The following GDPD5 variants were observed in gnomAD, a reference collection of about 807,000 sequenced individuals.
GDPD5 encodes the protein glycerophosphodiester phosphodiesterase 2.
GDPD5 carries 48 observed loss-of-function variants against 75.1 expected under a neutral mutation model. The observed-to-expected ratio is 0.64, with a 90% confidence interval of 0.51 to 0.81. GDPD5 has a LOEUF of 0.81. Ranked by LOEUF, GDPD5 falls within the 40% of genes least tolerant of loss-of-function variation. The probability of loss-of-function intolerance (pLI) is 0.00; values close to 1 mark genes in which losing one functional copy is unlikely to be tolerated. For missense variants in GDPD5, 706 were observed against 822.6 expected, an observed-to-expected ratio of 0.86 and a Z score of 1.73; for synonymous variants, 336 against 339.0, an observed-to-expected ratio of 0.99 and a Z score of 0.10.
intron 12 of GDPD5, 103 bp downstream of exon 12, chr11:75,442,259 AT>A: frequency 1.2e-6 from 1 of 846,814 alleles, no homozygotes; most frequent in Middle Eastern, 3.6e-4. Context: ...CATTTTACAA[AT>A]GGGAAAGCTG....
At chr11:75,458,143 C>A (rs1454746902) in intron 4 of GDPD5, among the ~76,000 whole-genome samples, 2 of 152,202 alleles carry the variant, frequency 1.3e-5, no homozygotes, top group Admixed American at 6.5e-5. Flanking sequence ...CGGTCAGGAG[C>A]ACAGGCTTTG....
chr11:75,467,431 C>A (rs1235337308), intron 3 of GDPD5, among the ~76,000 whole-genome samples: 1 of 152,106 alleles, frequency 6.6e-6, no homozygotes, highest in Non-Finnish European at 1.5e-5. Flanking sequence ...GTGGTGGTCA[C>A]CTATGGCGTG....
intron 6 of GDPD5, chr11:75,450,661 G>A (rs1161364608): frequency 6.6e-6 from 1 of 152,546 alleles, no homozygotes; most frequent in Non-Finnish European, 1.5e-5. Context: ...AGGATGAGGT[G>A]GCACCTCTAC....
At chr11:75,440,710 C>T (rs1471386867) in intron 14 of GDPD5, among the ~76,000 whole-genome samples, 2 of 152,134 alleles carry the variant, frequency 1.3e-5, no homozygotes, top group African/African-American at 2.4e-5. Flanking sequence ...CGTGTGCCAC[C>T]TTGGCCAGCA....
chr11:75,440,901 C>T (rs996119011), intron 14 of GDPD5, among the ~76,000 whole-genome samples: 1 of 152,190 alleles, frequency 6.6e-6, no homozygotes, highest in African/African-American at 2.4e-5. Context: ...AGCAAAGAAA[C>T]CCAAGCAGCT....
At chr11:75,453,740 T>C (rs1949224834) in intron 6 of GDPD5, among the ~76,000 whole-genome samples, 1 of 151,330 alleles carries the variant, frequency 6.6e-6, no homozygotes, top group East Asian at 1.9e-4. Flanking sequence ...TCCAAATACA[T>C]AAAGAAAATT....
intron 1 of GDPD5, among the ~76,000 whole-genome samples, chr11:75,515,698 G>A (rs1950624554): frequency 6.6e-6 from 1 of 152,214 alleles, no homozygotes; most frequent in African/African-American, 2.4e-5. Flanking sequence ...AGTCGCAGCA[G>A]GGCTGGGGCC....
rs1352849347 is a variant in GDPD5 at position 75,435,426 on chromosome 11, C to T, written c.*81G>A. The T allele has an allele frequency of 1.2e-5, 16 of 1,355,962 alleles. No homozygotes were observed. The highest frequency in any genetic ancestry group is 4.4e-5 in the African/African-American group (3 of 68,960). The allele number at this position is 1,355,962 out of a possible 1,614,324, so 84.0% of individuals were successfully genotyped here. The stretch of plus-strand genomic sequence containing the variant: ...TGTGGAGCCCGCTCCCAGAGCACTC[C>T]GAGTTCAGACACACTTCCACCAGCT... On this transcript the variant is annotated 3_prime_UTR_variant, in exon 17 of 17. Transcript: ENST00000336898.
chr11:75,486,237 T>G (rs1168369976), intron 2 of GDPD5, among the ~76,000 whole-genome samples: 1 of 152,196 alleles, frequency 6.6e-6, no homozygotes, highest in African/African-American at 2.4e-5. Flanking sequence ...TCCCTCCCTG[T>G]TCTGACTGGG....
chr11:75,447,848 G>A (rs1949027562), intron 9 of GDPD5, among the ~76,000 whole-genome samples: 1 of 152,180 alleles, frequency 6.6e-6, no homozygotes, highest in Non-Finnish European at 1.5e-5. Context: ...TTGAGGCACA[G>A]AGGGGACTGG....
At chr11:75,509,629 T>C (rs1165846533) in intron 1 of GDPD5, among the ~76,000 whole-genome samples, 1 of 152,200 alleles carries the variant, frequency 6.6e-6, no homozygotes, top group Non-Finnish European at 1.5e-5. Context: ...AGTGTGGAAG[T>C]TACTATTAAC....
intron 11 of GDPD5, 57 bp downstream of exon 11, chr11:75,443,079 C>G (rs1338274696): frequency 1.3e-6 from 2 of 1,555,856 alleles, no homozygotes; most frequent in Non-Finnish European, 8.7e-7. Context: ...CCTCTCACTC[C>G]TTGCAGTCCC....
At chr11:75,491,089 C>A (rs1180791054) in intron 1 of GDPD5, among the ~76,000 whole-genome samples, 1 of 152,178 alleles carries the variant, frequency 6.6e-6, no homozygotes, top group Admixed American at 6.5e-5. Flanking sequence ...AATATAACAA[C>A]TCTCCCCAAC....
chr11:75,473,540 C>T (rs535755470), intron 3 of GDPD5, among the ~76,000 whole-genome samples: 1 of 152,264 alleles, frequency 6.6e-6, no homozygotes, highest in East Asian at 1.9e-4. Flanking sequence ...TGAGGCCTCA[C>T]TGGCCCTCCC....
Position 75,525,441 on chromosome 11 carries a change from G to GTT in GDPD5, c.-378_-377dup. The GTT allele has an allele frequency of 6.6e-6, 1 of 152,560 alleles. No individual in the cohort carries two copies. Among genetic ancestry groups the GTT allele is most frequent in the Non-Finnish European group, 1.5e-5 (1 of 68,206 alleles). 9.5% of individuals were successfully genotyped at this position (152,560 alleles called of 1,614,324 possible). ...CTGTTCCAAGCTGTTCCAACTGAAGGTTGGGGTCTCGTGAAGCCAGAGGCT... is the reference window on the plus strand; with the variant it reads ...CTGTTCCAAGCTGTTCCAACTGAAGGTTTTGGGGTCTCGTGAAGCCAGAGGCT... On this transcript the variant is annotated 5_prime_UTR_variant, in exon 1 of 17. Coordinates refer to ENST00000336898, the MANE Select transcript of GDPD5 (RefSeq NM_030792.8).
Position 75,477,706 on chromosome 11 carries a change from G to T in GDPD5, c.30C>A (p.Tyr10Ter). The change falls in exon 3 of 17, where the codon TAC becomes TAA. Residue 10 changes from tyrosine (Y) to a stop codon, truncating the protein, a stop_gained. Coordinates refer to ENST00000336898, the MANE Select transcript of GDPD5 (RefSeq NM_030792.8). LOFTEE classifies it high-confidence loss of function. ...GGCAGGAGAGGCACAGCTGTGGCTC[G>T]TAGTACTGCAGGGGCTGGTGTCTCA... is the stretch of plus-strand genomic sequence containing the variant. MVRHQPLQY[Y>*]EPQLCLSCLT... 6.3e-7 allele frequency: 1 copy of T among 1,593,812 alleles called. No homozygotes were observed. The highest frequency in any genetic ancestry group is 8.6e-7 in the Non-Finnish European group (1 of 1,165,296).
chr11:75,446,190 G>T (rs1948983271), intron 9 of GDPD5, among the ~76,000 whole-genome samples: 1 of 152,258 alleles, frequency 6.6e-6, no homozygotes, highest in South Asian at 2.1e-4. Flanking sequence ...CTTGGAAGGG[G>T]TTGCGAAGAC....
chr11:75,483,865 T>G (rs1273953728), intron 2 of GDPD5, among the ~76,000 whole-genome samples: 1 of 152,172 alleles, frequency 6.6e-6, no homozygotes, highest in African/African-American at 2.4e-5. Context: ...TGACTGCTAA[T>G]AGGTGTGGAG....
intron 7 of GDPD5, 65 bp from the exon 8 acceptor site, chr11:75,449,675 G>A (rs1029805129): frequency 6.7e-7 from 1 of 1,493,810 alleles, no homozygotes; most frequent in African/African-American, 1.4e-5. Context: ...TGTGTCACCA[G>A]CCTCCTACTT....
Sources: gnomAD v4.1 joint callset for allele counts (sites outside exome capture counted in the v4.1 genomes callset) on GRCh38, gnomAD v4.1.1 for gene constraint, MANE v1.5 for transcripts, NCBI Gene and HGNC (gene_info 2026-07-23, HGNC 2026-07-21) for gene names.